The following CYP7B1 variants were observed in gnomAD, a reference collection of about 807,000 sequenced individuals.
CYP7B1 encodes cytochrome P450 7B1.
In CYP7B1, 29 loss-of-function variants were observed where a neutral mutation model predicts 42.7. The observed-to-expected ratio is 0.68, with a 90% confidence interval of 0.51 to 0.93. The LOEUF (loss-of-function observed/expected upper bound fraction) is 0.93, where lower values mean the gene tolerates loss of function less well. Among genes scored for constraint, CYP7B1 ranks in the 40% least tolerant of loss-of-function variants. CYP7B1 has a pLI of 0.00. For synonymous variants in CYP7B1, 235 were observed against 218.2 expected (o/e 1.08, Z -0.68); for missense variants, 655 against 600.5 (o/e 1.09, Z -0.95).
At chr8:64,761,114 C>T (rs1234486139) in intron 1 of CYP7B1, among the ~76,000 whole-genome samples, 1 of 152,016 alleles carries the variant, frequency 6.6e-6, no homozygotes, top group African/African-American at 2.4e-5. Context: ...GATGATATCA[C>T]TTACACGTGG....
chr8:64,635,244 G>A lies in CYP7B1; in HGVS notation c.123-10705C>T, dbSNP rs558859115. On this transcript the variant is annotated intron_variant, in intron 1 of 5. Coordinates refer to ENST00000310193, the MANE Select transcript of CYP7B1 (RefSeq NM_004820.5). Reference sequence around the variant, plus strand: ...ATCCAACTCTGTCTAGAAAAATTATGCAATTCATTACCCCAAGTAATCTCT... The same window carrying A: ...ATCCAACTCTGTCTAGAAAAATTATACAATTCATTACCCCAAGTAATCTCT... Among the ~76,000 whole-genome samples the A allele has an allele frequency of 1.1e-3, 165 of 152,288 alleles. 1 individual carries two copies. The highest frequency in any genetic ancestry group is 2.1e-3 in the Non-Finnish European group (140 of 68,014).
chr8:64,643,138 C>CACAT (rs370410531), intron 1 of CYP7B1, among the ~76,000 whole-genome samples: 34 of 95,648 alleles, frequency 3.6e-4, no homozygotes, highest in African/African-American at 8.6e-4. Context: ...CATATATATA[C>CACAT]ATATATACAT....
intron 1 of CYP7B1, among the ~76,000 whole-genome samples, chr8:64,744,227 TTA>T (rs1490489751): frequency 6.6e-6 from 1 of 152,194 alleles, no homozygotes; most frequent in Non-Finnish European, 1.5e-5. Flanking sequence ...CATAAAATAT[TTA>T]AGAAGTTTGA....
chr8:64,615,004 A>AT (rs751526012), intron 4 of CYP7B1, 22 bp downstream of exon 4: 3 of 1,612,422 alleles, frequency 1.9e-6, no homozygotes, highest in South Asian at 2.2e-5. Context: ...TCTTTTCTTC[A>AT]TAACAGATAA....
Position 64,615,905 on chromosome 8 carries a change from TAGCTC to T in CYP7B1, c.631_635del (p.Glu211LysfsTer3), listed in dbSNP as rs1805435464. 1 of 1,613,632 alleles carries T rather than the reference TAGCTC, an allele frequency of 6.2e-7. No individual in the cohort carries two copies. Among genetic ancestry groups the T allele is most frequent in the Non-Finnish European group, 8.5e-7 (1 of 1,179,766 alleles). ...CATCAAATTTTAAAAAATCATCTCT[TAGCTC>T]ACTAATAAATTTGTTGTTGTCACAA... On this transcript the variant is annotated frameshift_variant, in exon 3 of 6. Coordinates refer to ENST00000310193, the MANE Select transcript of CYP7B1 (RefSeq NM_004820.5). LOFTEE classifies it high-confidence loss of function.
intron 1 of CYP7B1, among the ~76,000 whole-genome samples, chr8:64,769,059 T>C (rs7812644): frequency 0.27 from 40,928 of 152,098 alleles, 6,795 homozygotes; most frequent in African/African-American, 0.47. Flanking sequence ...TGACATCACA[T>C]TCTTAAAAAT....
chr8:64,754,588 T>TAGGG (rs1296955833), intron 1 of CYP7B1, among the ~76,000 whole-genome samples: 4 of 151,656 alleles, frequency 2.6e-5, no homozygotes, highest in African/African-American at 9.7e-5. Context: ...AGGCAAGCAG[T>TAGGG]AGGGAGGGAG....
intron 1 of CYP7B1, among the ~76,000 whole-genome samples, chr8:64,688,226 C>T (rs1195138992): frequency 6.6e-6 from 1 of 152,186 alleles, no homozygotes; most frequent in Non-Finnish European, 1.5e-5. Flanking sequence ...CAGAAGCCCA[C>T]TTCTACTCTT....
chr8:64,723,339 C>T (rs1469199277), intron 1 of CYP7B1, among the ~76,000 whole-genome samples: 1 of 152,206 alleles, frequency 6.6e-6, no homozygotes, highest in Non-Finnish European at 1.5e-5. Flanking sequence ...AATGACACAA[C>T]ATCAAGTTTC....
At chr8:64,614,425 TTTTC>T (rs1391972480) in intron 4 of CYP7B1, among the ~76,000 whole-genome samples, 9 of 152,260 alleles carry the variant, frequency 5.9e-5, no homozygotes, top group African/African-American at 2.2e-4. Flanking sequence ...TTGCTTTTCC[TTTTC>T]TTTTTCTCCC....
chr8:64,660,277 T>A (rs758120599), intron 1 of CYP7B1, among the ~76,000 whole-genome samples: 7 of 152,220 alleles, frequency 4.6e-5, no homozygotes, highest in Non-Finnish European at 1.0e-4. Flanking sequence ...TAGCCTTTTG[T>A]ATTTGTTATC....
intron 1 of CYP7B1, among the ~76,000 whole-genome samples, chr8:64,737,081 TA>T (rs1807500643): frequency 6.6e-6 from 1 of 152,324 alleles, no homozygotes; most frequent in East Asian, 1.9e-4. Flanking sequence ...AAAAATATCC[TA>T]AATCAGTCCA....
At chr8:64,776,545 A>G (rs1804329762) in intron 1 of CYP7B1, among the ~76,000 whole-genome samples, 2 of 152,140 alleles carry the variant, frequency 1.3e-5, no homozygotes, top group South Asian at 4.1e-4. Context: ...AGTACTTGAG[A>G]CAATTCAATC....
At chr8:64,761,388 TG>T (rs552806983) in intron 1 of CYP7B1, among the ~76,000 whole-genome samples, 191 of 152,226 alleles carry the variant, frequency 1.3e-3, no homozygotes, top group African/African-American at 4.5e-3. Context: ...TTAATTAGCT[TG>T]GTTGTGAGAA....
intron 1 of CYP7B1, among the ~76,000 whole-genome samples, chr8:64,691,396 G>A (rs1806739407): frequency 7.6e-6 from 1 of 132,426 alleles, no homozygotes; most frequent in Non-Finnish European, 1.6e-5. Flanking sequence ...CAGGTTGCCA[G>A]AAAAGCACAG....
chr8:64,606,223 G>A (rs140095932), intron 4 of CYP7B1, among the ~76,000 whole-genome samples: 1 of 152,298 alleles, frequency 6.6e-6, no homozygotes, highest in South Asian at 2.1e-4. Context: ...TGGTGATGAG[G>A]CCAGAAAAGA....
At chr8:64,689,492 T>C (rs956717991) in intron 1 of CYP7B1, among the ~76,000 whole-genome samples, 9 of 152,208 alleles carry the variant, frequency 5.9e-5, no homozygotes, top group African/African-American at 9.7e-5. Flanking sequence ...AATTGGTCCA[T>C]GTTGAAATAT....
chr8:64,748,964 G>T (rs1371566643), intron 1 of CYP7B1, among the ~76,000 whole-genome samples: 1 of 152,206 alleles, frequency 6.6e-6, no homozygotes, highest in African/African-American at 2.4e-5. Context: ...TGACTCCAGA[G>T]ATGAAAGCAC....
intron 1 of CYP7B1, among the ~76,000 whole-genome samples, chr8:64,711,722 G>A (rs1046761657): frequency 1.3e-5 from 2 of 152,052 alleles, no homozygotes; most frequent in Non-Finnish European, 2.9e-5. Flanking sequence ...CTTATAATAC[G>A]CCTTCCTTCT....
Sources: allele counts gnomAD v4.1 joint callset (sites outside exome capture counted in the v4.1 genomes callset), GRCh38; gene constraint gnomAD v4.1.1; transcripts MANE v1.5; gene names NCBI Gene and HGNC (gene_info 2026-07-23, HGNC 2026-07-21).